Variants in IQCM observed in about 807,000 individuals in gnomAD.
IQCM encodes IQ motif containing M, also known as IQ domain-containing protein M.
In IQCM, 45 loss-of-function variants were observed where a neutral mutation model predicts 57.6. That is an observed-to-expected ratio of 0.78 (90% CI 0.62 to 1.00). The LOEUF (loss-of-function observed/expected upper bound fraction) is 1.00, where lower values mean the gene tolerates loss of function less well. IQCM is among the 50% of genes least tolerant of loss of function. The pLI is 0.00. For missense variants in IQCM, 468 were observed against 511.6 expected, an observed-to-expected ratio of 0.91 and a Z score of 0.82; for synonymous variants, 148 against 158.9, an observed-to-expected ratio of 0.93 and a Z score of 0.51.
intron 13 of IQCM, among the ~76,000 whole-genome samples, chr4:149,408,757 A>G (rs921113622): frequency 2.0e-5 from 3 of 152,116 alleles, no homozygotes; most frequent in African/African-American, 7.2e-5. Context: ...CTTTTTTTAG[A>G]TAATACCATA....
At chr4:149,618,517 T>C (rs187682701) in intron 8 of IQCM, among the ~76,000 whole-genome samples, 2 of 152,178 alleles carry the variant, frequency 1.3e-5, no homozygotes, top group African/African-American at 4.8e-5. Context: ...CTCATTAAAC[T>C]GAAAAGCTCC....
chr4:149,677,033 T>C (rs1761810443), intron 7 of IQCM, among the ~76,000 whole-genome samples: 1 of 152,010 alleles, frequency 6.6e-6, no homozygotes, highest in African/African-American at 2.4e-5. Flanking sequence ...ACATCCACAA[T>C]GCCTCACTCC....
At chr4:149,399,529 A>C in intron 13 of IQCM, among the ~76,000 whole-genome samples, 1 of 152,056 alleles carries the variant, frequency 6.6e-6, no homozygotes, top group East Asian at 1.9e-4. Flanking sequence ...ATAGCAACAA[A>C]AATGTAAATA....
chr4:149,486,497 C>T (rs903177106), intron 12 of IQCM, among the ~76,000 whole-genome samples: 1 of 152,122 alleles, frequency 6.6e-6, no homozygotes, highest in African/African-American at 2.4e-5. Flanking sequence ...GCCTGTAATC[C>T]CAGCACTTTG....
chr4:149,479,618 C>T (rs1410816032), intron 12 of IQCM, among the ~76,000 whole-genome samples: 3 of 152,204 alleles, frequency 2.0e-5, no homozygotes, highest in African/African-American at 7.2e-5. Context: ...GGAGTTCCTC[C>T]TTCTTTTTCT....
intron 12 of IQCM, among the ~76,000 whole-genome samples, chr4:149,490,543 C>A (rs184454442): frequency 2.6e-4 from 40 of 152,120 alleles, no homozygotes; most frequent in Admixed American, 2.6e-3. Context: ...GTTTTAGAAT[C>A]ATATTCTTAA....
chr4:149,473,451 C>T (rs1739813709), intron 12 of IQCM, among the ~76,000 whole-genome samples: 1 of 152,140 alleles, frequency 6.6e-6, no homozygotes, highest in East Asian at 1.9e-4. Context: ...GTTAGAATGG[C>T]AATCATTAAA....
intron 5 of IQCM, among the ~76,000 whole-genome samples, chr4:149,716,652 G>A (rs1365286360): frequency 3.9e-5 from 6 of 152,160 alleles, no homozygotes; most frequent in Non-Finnish European, 8.8e-5. Context: ...CTCCAGATGG[G>A]CTGCTGCTGC....
intron 5 of IQCM, among the ~76,000 whole-genome samples, chr4:149,708,991 A>G (rs1764362561): frequency 6.6e-6 from 1 of 152,144 alleles, no homozygotes; most frequent in South Asian, 2.1e-4. Context: ...AAAATCAGAA[A>G]TCAAGGTGAA....
intron 7 of IQCM, among the ~76,000 whole-genome samples, chr4:149,676,234 G>A (rs1005321118): frequency 1.3e-5 from 2 of 151,966 alleles, no homozygotes; most frequent in Non-Finnish European, 2.9e-5. Flanking sequence ...TCCACGAAGG[G>A]CTACAGTTAT....
intron 2 of IQCM, among the ~76,000 whole-genome samples, chr4:149,765,904 G>A (rs1055582702): frequency 1.3e-5 from 2 of 151,876 alleles, no homozygotes; most frequent in Non-Finnish European, 2.9e-5. Context: ...CCCAGAAACT[G>A]ACTCGCACCC....
In IQCM at chr4:149,741,851, T is replaced by A. The variant is rs1048725869; in HGVS notation, c.37+804A>T. Among the ~76,000 whole-genome samples the A allele has an allele frequency of 8.5e-5, 13 of 152,298 alleles. 1 individual carries two copies. The East Asian group carries it at 2.5e-3, about 29-fold the overall frequency. On this transcript the variant is annotated intron_variant, in intron 3 of 13. Transcript: ENST00000636793. ...AAAAAAAGCTAACTATGTGAAGTAA[T>A]GGATATTATAATTAGCTCGATAGAG...
chr4:149,520,317 C>A (rs1745496622), intron 12 of IQCM, among the ~76,000 whole-genome samples: 1 of 149,802 alleles, frequency 6.7e-6, no homozygotes. Flanking sequence ...AGAGCTCAAA[C>A]CCACATGGCT....
At chr4:149,614,419 TC>T (rs1243651219) in intron 8 of IQCM, among the ~76,000 whole-genome samples, 1 of 152,162 alleles carries the variant, frequency 6.6e-6, no homozygotes, top group African/African-American at 2.4e-5. Flanking sequence ...CTTGCCACCT[TC>T]CCTCTAGCAT....
intron 8 of IQCM, among the ~76,000 whole-genome samples, chr4:149,596,992 C>T (rs940923662): frequency 1.3e-5 from 2 of 151,852 alleles, no homozygotes; most frequent in African/African-American, 4.8e-5. Flanking sequence ...ATATTCAGAA[C>T]CTCAAAGACT....
At chr4:149,368,314 T>C (rs971415832) in intron 13 of IQCM, among the ~76,000 whole-genome samples, 3 of 152,000 alleles carry the variant, frequency 2.0e-5, no homozygotes, top group Non-Finnish European at 4.4e-5. Flanking sequence ...TTCTTAGAAG[T>C]ATTGATGTTA....
chr4:149,727,927 A>G (rs1766099776), intron 5 of IQCM, among the ~76,000 whole-genome samples: 2 of 152,094 alleles, frequency 1.3e-5, no homozygotes, highest in African/African-American at 4.8e-5. Flanking sequence ...TCTCTTCCCA[A>G]CTCCTGTAAT....
At chr4:149,676,216 T>C (rs1761737284) in intron 7 of IQCM, among the ~76,000 whole-genome samples, 1 of 151,978 alleles carries the variant, frequency 6.6e-6, no homozygotes, top group East Asian at 1.9e-4. Flanking sequence ...ATAGCAAAAA[T>C]AGCAGACTCC....
intron 5 of IQCM, among the ~76,000 whole-genome samples, chr4:149,709,126 C>A (rs1764372359): frequency 1.3e-5 from 2 of 152,068 alleles, no homozygotes; most frequent in South Asian, 4.1e-4. Context: ...TTTATTAACT[C>A]TTTAAAGCCA....
Sources: allele counts gnomAD v4.1 joint callset (sites outside exome capture counted in the v4.1 genomes callset), GRCh38; gene constraint gnomAD v4.1.1; transcripts MANE v1.5; gene names NCBI Gene and HGNC (gene_info 2026-07-23, HGNC 2026-07-21).